The following CERKL variants were observed in gnomAD, a reference collection of about 807,000 sequenced individuals.
The protein encoded by CERKL is ceramide kinase-like protein.
A neutral mutation model predicts 63.4 loss-of-function variants in CERKL; 61 were observed. The ratio of observed to expected loss-of-function variants is 0.96; its 90% CI spans 0.78 to 1.19. The LOEUF is 1.19. Among genes scored for constraint, CERKL ranks in the 50% most tolerant of loss-of-function variants. CERKL has a pLI of 0.00. For missense variants in CERKL, 675 were observed against 655.5 expected (o/e 1.03, Z -0.33); for synonymous variants, 250 against 230.5 (o/e 1.08, Z -0.77).
intron 2 of CERKL, among the ~76,000 whole-genome samples, chr2:181,575,539 G>A (rs1217391086): frequency 6.6e-6 from 1 of 152,148 alleles, no homozygotes; most frequent in Non-Finnish European, 1.5e-5. Flanking sequence ...TTCTTATTAG[G>A]GATCTGGAAA....
intron 1 of CERKL, among the ~76,000 whole-genome samples, chr2:181,654,155 C>A (rs1272411729): frequency 6.6e-6 from 1 of 150,576 alleles, no homozygotes; most frequent in African/African-American, 2.4e-5. Flanking sequence ...AAATATTTCT[C>A]TACTTAAAAA....
chr2:181,635,355 A>C (rs1416863789), intron 1 of CERKL, among the ~76,000 whole-genome samples: 1 of 152,184 alleles, frequency 6.6e-6, no homozygotes, highest in Admixed American at 6.5e-5. Flanking sequence ...ACTTTTAGAG[A>C]AATTTATTTC....
At chr2:181,645,348 A>G (rs1425680659) in intron 1 of CERKL, among the ~76,000 whole-genome samples, 1 of 152,224 alleles carries the variant, frequency 6.6e-6, no homozygotes, top group Non-Finnish European at 1.5e-5. Flanking sequence ...TTCAATAAAT[A>G]TTATCTATAT....
intron 2 of CERKL, among the ~76,000 whole-genome samples, chr2:181,591,477 A>G (rs567304239): frequency 1.0e-3 from 159 of 152,236 alleles, no homozygotes; most frequent in Non-Finnish European, 1.9e-3. Context: ...GCTAACCCAA[A>G]TAATTTTTGA....
chr2:181,624,606 T>C (rs1686603563), intron 1 of CERKL, among the ~76,000 whole-genome samples: 1 of 152,162 alleles, frequency 6.6e-6, no homozygotes, highest in Non-Finnish European at 1.5e-5. Context: ...CTACTCCAGA[T>C]GAGAAATACA....
chr2:181,645,484 A>C (rs1687630935), intron 1 of CERKL, among the ~76,000 whole-genome samples: 1 of 152,216 alleles, frequency 6.6e-6, no homozygotes, highest in African/African-American at 2.4e-5. Flanking sequence ...TACTGCATGG[A>C]CTGCATCAAG....
chr2:181,612,917 A>C (rs1394150505), intron 1 of CERKL, among the ~76,000 whole-genome samples: 2 of 152,198 alleles, frequency 1.3e-5, no homozygotes, highest in African/African-American at 4.8e-5. Context: ...AATGAGGTAC[A>C]AGATCAGTAC....
chr2:181,544,906 A>G, intron 10 of CERKL, 110 bp from the exon 11 acceptor site: 2 of 621,164 alleles, frequency 3.2e-6, no homozygotes, highest in Non-Finnish European at 2.8e-6. Flanking sequence ...AAAGTATTGG[A>G]CAAGATAGAT....
At position 181,537,387 on chromosome 2, in the gene CERKL, G is replaced by T. The variant is rs752738000; in HGVS notation, c.*797C>A. ...GGGAACACAATTACATATTGGGCTA[G>T]ATTTTGCCCAGTTCAAAATAGTATT... On this transcript the variant is annotated 3_prime_UTR_variant, in exon 13 of 13. Transcript: ENST00000410087. 6.0e-5 allele frequency: 27 copies of T among 452,864 alleles called. No homozygotes were observed. In the East Asian group the frequency reaches 1.7e-3, roughly 29 times the overall value. 28.1% of individuals were successfully genotyped at this position (452,864 alleles called of 1,614,324 possible). A position where few individuals can be genotyped will look rare whatever the true frequency, so the allele number is the denominator to read the frequency against.
At chr2:181,586,232 A>C (rs920808898) in intron 2 of CERKL, among the ~76,000 whole-genome samples, 8 of 152,168 alleles carry the variant, frequency 5.3e-5, no homozygotes, top group African/African-American at 1.9e-4. Flanking sequence ...CCTCTTGACT[A>C]AACAATTAAC....
intron 1 of CERKL, among the ~76,000 whole-genome samples, chr2:181,607,777 C>T (rs1685780248): frequency 6.6e-6 from 1 of 152,174 alleles, no homozygotes; most frequent in Non-Finnish European, 1.5e-5. Context: ...AAAATCCTCA[C>T]CCTATGATGG....
At chr2:181,656,522 G>A (rs1202887027) in intron 1 of CERKL, among the ~76,000 whole-genome samples, 1 of 152,062 alleles carries the variant, frequency 6.6e-6, no homozygotes, top group African/African-American at 2.4e-5. Context: ...TCTCGGAGGC[G>A]GGAAAAGGCT....
intron 1 of CERKL, among the ~76,000 whole-genome samples, chr2:181,624,498 A>C (rs889925250): frequency 1.3e-5 from 2 of 152,212 alleles, no homozygotes; most frequent in Non-Finnish European, 1.5e-5. Context: ...TCACCAGTGC[A>C]TTCCAGCCAA....
chr2:181,563,788 A>G (rs562536612), intron 4 of CERKL, among the ~76,000 whole-genome samples: 43 of 146,706 alleles, frequency 2.9e-4, no homozygotes, highest in African/African-American at 1.1e-3. Flanking sequence ...TATTCTCCTC[A>G]TATATCTCTC....
intron 1 of CERKL, among the ~76,000 whole-genome samples, chr2:181,614,979 G>A (rs755040799): frequency 6.6e-5 from 10 of 152,170 alleles, no homozygotes; most frequent in African/African-American, 2.2e-4. Context: ...TTTGCTTGGC[G>A]GCATGTGGTT....
In CERKL at chr2:181,537,235, C is replaced by CTAAGGAAATTTACATTT; in HGVS notation, c.*932_*948dup. ...AGAACTGTCTTCTCCAGGATGGTCT[C>CTAAGGAAATTTACATTT]TAAGGAAATTTACATTTGGTTCTTT... On this transcript the variant is annotated 3_prime_UTR_variant, in exon 13 of 13. Coordinates refer to ENST00000410087, the MANE Select transcript of CERKL (RefSeq NM_201548.5). The CTAAGGAAATTTACATTT allele has an allele frequency of 2.2e-6, 1 of 453,686 alleles. No individual in the cohort carries two copies. Among genetic ancestry groups the CTAAGGAAATTTACATTT allele is most frequent in the South Asian group, 1.6e-5 (1 of 64,472 alleles). 28.1% of individuals were successfully genotyped at this position (453,686 alleles called of 1,614,324 possible).
At chr2:181,632,161 C>A (rs1686989488) in intron 1 of CERKL, among the ~76,000 whole-genome samples, 1 of 152,126 alleles carries the variant, frequency 6.6e-6, no homozygotes, top group African/African-American at 2.4e-5. Context: ...CATTCTATAT[C>A]ATCCATAAAC....
intron 3 of CERKL, among the ~76,000 whole-genome samples, chr2:181,573,357 G>A (rs1478749887): frequency 6.6e-6 from 1 of 152,056 alleles, no homozygotes; most frequent in East Asian, 1.9e-4. Flanking sequence ...GAGTCAGAAC[G>A]AAAACAACCC....
At chr2:181,629,182 T>G (rs1277891999) in intron 1 of CERKL, among the ~76,000 whole-genome samples, 1 of 152,196 alleles carries the variant, frequency 6.6e-6, no homozygotes, top group East Asian at 1.9e-4. Context: ...CTTAGTTCTA[T>G]TAACTTCAAC....
Sources: allele counts gnomAD v4.1 joint callset (sites outside exome capture counted in the v4.1 genomes callset), GRCh38; gene constraint gnomAD v4.1.1; transcripts MANE v1.5; gene names NCBI Gene and HGNC (gene_info 2026-07-23, HGNC 2026-07-21).